The following ESYT2 variants were observed in gnomAD, a reference collection of about 807,000 sequenced individuals.
The protein encoded by ESYT2 is extended synaptotagmin-2.
Under a neutral mutation model 107.2 loss-of-function variants are expected in ESYT2, and 54 were observed. That is an observed-to-expected ratio of 0.50 (90% CI 0.40 to 0.63). The LOEUF (loss-of-function observed/expected upper bound fraction) is 0.63, where lower values mean the gene tolerates loss of function less well. ESYT2 is among the 30% of genes least tolerant of loss of function. The probability of loss-of-function intolerance (pLI) is 0.00; values close to 1 mark genes in which losing one functional copy is unlikely to be tolerated. For synonymous variants in ESYT2, 491 were observed against 434.1 expected (o/e 1.13, Z -1.63); for missense variants, 1,020 against 1,094.5 (o/e 0.93, Z 0.96).
At chr7:158,737,237 G>A in intron 19 of ESYT2, 58 bp from the exon 20 acceptor site, 2 of 1,569,946 alleles carry the variant, frequency 1.3e-6, no homozygotes, top group Non-Finnish European at 1.7e-6. Context: ...AGAATGAGCA[G>A]CACATTCAGA....
At chr7:158,744,027 T>C in intron 16 of ESYT2, 1 of 201,094 alleles carries the variant, frequency 5.0e-6, no homozygotes, top group South Asian at 8.4e-5. Flanking sequence ...TGAGCTGATA[T>C]CGCGCCACTG....
chr7:158,755,560 G>A lies in ESYT2; in HGVS notation c.1420-2717C>T, dbSNP rs186651765. Among the ~76,000 whole-genome samples the A allele has an allele frequency of 3.3e-5, 5 of 152,274 alleles. No individual in the cohort carries two copies. The East Asian group carries it at 9.6e-4, about 29-fold the overall frequency. The stretch of plus-strand genomic sequence containing the variant: ...GAGCTATCTAGTCAGATTTACACTA[G>A]TCTATGATGAAATTTTCTGCAAGCA... On this transcript the variant is annotated intron_variant, in intron 13 of 22. Transcript: ENST00000275418.
chr7:158,792,769 T>G (rs1358627935), intron 4 of ESYT2, among the ~76,000 whole-genome samples: 3 of 141,734 alleles, frequency 2.1e-5, no homozygotes, highest in Admixed American at 7.0e-5. Flanking sequence ...GTGGGGTTTT[T>G]TTTTTTTTTT....
At chr7:158,738,898 G>T in intron 19 of ESYT2, 125 bp downstream of exon 19, 1 of 989,024 alleles carries the variant, frequency 1.0e-6, no homozygotes, top group Non-Finnish European at 1.5e-6. Flanking sequence ...AGGTTTAATT[G>T]CTTTGTCCTT....
intron 6 of ESYT2, among the ~76,000 whole-genome samples, chr7:158,782,165 ACAGTG>A (rs1838876886): frequency 6.6e-6 from 1 of 150,476 alleles, no homozygotes; most frequent in South Asian, 2.1e-4. Context: ...GAGTGTGAGA[ACAGTG>A]AGGTGTGAGT....
At chr7:158,810,511 ATC>A (rs1182385290) in intron 1 of ESYT2, among the ~76,000 whole-genome samples, 1 of 152,162 alleles carries the variant, frequency 6.6e-6, no homozygotes, top group East Asian at 1.9e-4. Flanking sequence ...GTGAAGCCCC[ATC>A]TCTACAAAAT....
In ESYT2 at chr7:158,731,197, T is replaced by C. The variant is rs2013; in HGVS notation, c.*3010A>G. 0.27 allele frequency: 41,089 copies of C among 152,034 alleles called. 6,869 individuals carry two copies. Among genetic ancestry groups the C allele is most frequent in the East Asian group, 0.6 (3,067 of 5,140 alleles). The allele number at this position is 152,034 out of a possible 1,614,324, so 9.4% of individuals were successfully genotyped here. A position where few individuals can be genotyped will look rare whatever the true frequency, so the allele number is the denominator to read the frequency against. ...TACACACAGGCCTGCATTTGGCTTA[T>C]GTGCCTGAAAAAGAAGGGCCGACCT... On this transcript the variant is annotated 3_prime_UTR_variant, in exon 23 of 23. Coordinates refer to ENST00000275418, the MANE Select transcript of ESYT2 (RefSeq NM_001367773.1).
chr7:158,827,162 C>CAAAAAAAAA (rs34940580), intron 1 of ESYT2, among the ~76,000 whole-genome samples: 3 of 106,036 alleles, frequency 2.8e-5, no homozygotes, highest in African/African-American at 9.8e-5. Context: ...GGCTCTGTCT[C>CAAAAAAAAA]AAAAAAAAAA....
intron 6 of ESYT2, among the ~76,000 whole-genome samples, chr7:158,776,407 CTGT>C (rs1838564204): frequency 6.6e-6 from 1 of 152,226 alleles, no homozygotes. Flanking sequence ...CACTGAAAAT[CTGT>C]TGTTTAGTGG....
At chr7:158,776,682 G>A (rs1405733628) in intron 6 of ESYT2, among the ~76,000 whole-genome samples, 1 of 152,212 alleles carries the variant, frequency 6.6e-6, no homozygotes, top group African/African-American at 2.4e-5. Flanking sequence ...CTCCCTATCA[G>A]CAAGAAGGCT....
intron 18 of ESYT2, among the ~76,000 whole-genome samples, chr7:158,739,992 T>C (rs1440219035): frequency 1.3e-5 from 2 of 152,210 alleles, no homozygotes; most frequent in Non-Finnish European, 2.9e-5. Context: ...CAGGTGTTTC[T>C]TTCTCCAGCA....
rs754265312 is a variant in ESYT2 at position 158,743,499 on chromosome 7, T to C, written c.1794+30A>G. 2.5e-6 allele frequency: 4 copies of C among 1,588,594 alleles called. No homozygotes were observed. In the East Asian group the frequency reaches 7.1e-5, roughly 28 times the overall value. The stretch of plus-strand genomic sequence containing the variant: ...TGCCAGCACCCGCCTCCCCATCCCC[T>C]ATGGTGTTCACTGCAGGACGACACG... On this transcript the variant is annotated intron_variant, in intron 17 of 22. Coordinates refer to ENST00000275418, the MANE Select transcript of ESYT2 (RefSeq NM_001367773.1).
intron 11 of ESYT2, among the ~76,000 whole-genome samples, chr7:158,760,403 G>A (rs533628922): frequency 1.5e-4 from 23 of 152,312 alleles, no homozygotes; most frequent in South Asian, 8.3e-4. Flanking sequence ...CCGTGACCCC[G>A]ACAGAAACCC....
intron 21 of ESYT2, 48 bp from the exon 22 acceptor site, chr7:158,734,519 T>C (rs746227207): frequency 1.9e-6 from 3 of 1,555,036 alleles, no homozygotes; most frequent in South Asian, 2.3e-5. Flanking sequence ...CTGGGGGCAC[T>C]GGCTCCCGTC....
At chr7:158,746,229 G>GACACAC (rs55828446) in intron 16 of ESYT2, among the ~76,000 whole-genome samples, 2,552 of 147,990 alleles carry the variant, frequency 0.017, 77 homozygotes, top group African/African-American at 0.056. Context: ...TACATAAATA[G>GACACAC]ACACACACAC....
intron 6 of ESYT2, among the ~76,000 whole-genome samples, chr7:158,782,511 G>A (rs973973677): frequency 1.4e-5 from 2 of 139,368 alleles, no homozygotes; most frequent in African/African-American, 5.3e-5. Context: ...GTGAGAACAA[G>A]TGTGAGTGGA....
intron 1 of ESYT2, among the ~76,000 whole-genome samples, chr7:158,800,150 G>A (rs1447991077): frequency 1.3e-5 from 2 of 150,884 alleles, no homozygotes; most frequent in Non-Finnish European, 2.9e-5. Flanking sequence ...CCGGGTTCAA[G>A]TGATTCTCCT....
chr7:158,799,955 C>T (rs1406208367), intron 1 of ESYT2, among the ~76,000 whole-genome samples: 2 of 152,110 alleles, frequency 1.3e-5, no homozygotes, highest in Non-Finnish European at 2.9e-5. Flanking sequence ...TTGCAAACCT[C>T]TTTTCTATGC....
At chr7:158,783,560 G>C (rs1839001255) in intron 6 of ESYT2, among the ~76,000 whole-genome samples, 1 of 152,206 alleles carries the variant, frequency 6.6e-6, no homozygotes, top group African/African-American at 2.4e-5. Context: ...TGACCACACG[G>C]GAGAGCTGAC....
Sources: allele counts gnomAD v4.1 joint callset (sites outside exome capture counted in the v4.1 genomes callset), GRCh38; gene constraint gnomAD v4.1.1; transcripts MANE v1.5; gene names NCBI Gene and HGNC (gene_info 2026-07-23, HGNC 2026-07-21).